C1QTNF1: variants seen among roughly 807,000 people sequenced by gnomAD.
C1QTNF1 encodes C1q and TNF related 1, also known as complement C1q tumor necrosis factor-related protein 1.
In C1QTNF1, 22 loss-of-function variants were observed where a neutral mutation model predicts 27.8. The ratio of observed to expected loss-of-function variants is 0.79; its 90% CI spans 0.56 to 1.13. The LOEUF (loss-of-function observed/expected upper bound fraction) is 1.13, where lower values mean the gene tolerates loss of function less well. C1QTNF1 is among the 50% of genes most tolerant of loss of function. The pLI is 0.00. For missense variants in C1QTNF1, 373 were observed against 380.2 expected, an observed-to-expected ratio of 0.98 and a Z score of 0.16; for synonymous variants, 166 against 154.3, an observed-to-expected ratio of 1.08 and a Z score of -0.56.
rs1306977112 is a variant in C1QTNF1 at position 79,048,191 on chromosome 17, A to G, written c.*103A>G. 1 of 1,086,216 alleles carries G rather than the reference A, an allele frequency of 9.2e-7. No homozygotes were observed. The highest frequency in any genetic ancestry group is 1.8e-5 in the South Asian group (1 of 56,412). 67.3% of individuals were successfully genotyped at this position (1,086,216 alleles called of 1,614,324 possible). On this transcript the variant is annotated 3_prime_UTR_variant, in exon 4 of 4. Transcript: ENST00000579760. ...TGGACTCCGACTCCCTGGCTTTGGC[A>G]TTCAGTGAGACGCCCTGCACACACA...
intron 1 of C1QTNF1, among the ~76,000 whole-genome samples, chr17:79,042,576 T>TCCTACCCA (rs1465289933): frequency 6.6e-6 from 1 of 152,330 alleles, no homozygotes; most frequent in Admixed American, 6.5e-5. Flanking sequence ...GCAGCCACCT[T>TCCTACCCA]CCTACCCACC....
intron 1 of C1QTNF1, among the ~76,000 whole-genome samples, chr17:79,026,982 T>G (rs1599275604): frequency 6.6e-6 from 1 of 151,774 alleles, no homozygotes; most frequent in East Asian, 1.9e-4. Context: ...TGAACTTTGC[T>G]CATCAAAACA....
intron 1 of C1QTNF1, among the ~76,000 whole-genome samples, chr17:79,038,167 T>G (rs539755282): frequency 6.9e-4 from 105 of 152,026 alleles, no homozygotes; most frequent in African/African-American, 2.4e-3. Context: ...TTTTTGTATT[T>G]TTAGTAGAGA....
chr17:79,047,595 C>T lies in C1QTNF1; in HGVS notation c.353C>T (p.Ser118Leu). The change falls in exon 4 of 4, where the codon TCA becomes TTA. Residue 118 changes from serine (S) to leucine (L), a missense_variant. Coordinates refer to ENST00000579760, the MANE Select transcript of C1QTNF1 (RefSeq NM_030968.5). The stretch of plus-strand genomic sequence containing the variant: ...CAAGGGAAATATGGCAAAACAGGCT[C>T]AGCAGGGGCCAGGGGCCACACTGGA... ...GLQGKYGKTG[S>L]AGARGHTGPK... is the part of the protein sequence containing the mutation. 3 of 1,550,476 alleles carry T rather than the reference C, an allele frequency of 1.9e-6. No individual in the cohort carries two copies. The highest frequency in any genetic ancestry group is 2.6e-6 in the Non-Finnish European group (3 of 1,149,478).
At position 79,047,756 on chromosome 17, in the gene C1QTNF1, G is replaced by A. The variant is rs766236227; in HGVS notation, c.514G>A (p.Val172Met). 9 of 1,614,032 alleles carry A rather than the reference G, an allele frequency of 5.6e-6. No homozygotes were observed. In the Admixed American group the frequency reaches 1.3e-4, roughly 24 times the overall value. Residue 172 changes from valine to methionine, a missense_variant, in exon 4 of 4, where the codon GTG (valine) becomes ATG (methionine). Coordinates refer to ENST00000579760, the MANE Select transcript of C1QTNF1 (RefSeq NM_030968.5). ...GACGGTGATCTTCGACACGGAGTTC[G>A]TGAACCTCTACGACCACTTCAACAT... Reference protein sequence around the residue: ...YQTVIFDTEFVNLYDHFNMFT... With the variant: ...YQTVIFDTEFMNLYDHFNMFT...
chr17:79,047,388 C>T, intron 3 of C1QTNF1, 150 bp from the exon 4 acceptor site: 1 of 735,696 alleles, frequency 1.4e-6, no homozygotes, highest in Non-Finnish European at 2.1e-6. Flanking sequence ...CCGCCCGTGG[C>T]AGGGGGCTGG....
rs142653202 is a variant in C1QTNF1, at chr17:79,047,054, C to T, written c.295+360C>T. 1.7e-3 allele frequency: 489 copies of T among 295,282 alleles called. 3 individuals are homozygous for T. Among genetic ancestry groups the T allele is most frequent in the African/African-American group, 8.9e-3 (414 of 46,762 alleles). 18.3% of individuals were successfully genotyped at this position (295,282 alleles called of 1,614,324 possible). On this transcript the variant is annotated intron_variant, in intron 3 of 3. Transcript: ENST00000579760. ...TTTCTGAAATGCCACCTGCTCGCTC[C>T]GGTCCTGCACACGGCAGATAACCCT...
chr17:79,045,170 C>T lies in C1QTNF1; in HGVS notation c.155+1047C>T, dbSNP rs571337490. On this transcript the variant is annotated intron_variant, in intron 2 of 3. Transcript: ENST00000579760. ...TGAACTAGGTCTTGAAGGACACCTGCGGGCCTCCCAGGTGCAGAAGGAGGG... is the reference window on the plus strand; with the variant it reads ...TGAACTAGGTCTTGAAGGACACCTGTGGGCCTCCCAGGTGCAGAAGGAGGG... 8.2e-4 allele frequency among the ~76,000 whole-genome samples: 125 copies of T among 152,256 alleles called. 1 individual carries two copies. The highest frequency in any genetic ancestry group is 3.4e-3 in the Middle Eastern group (1 of 294).
chr17:79,045,102 G>A (rs1299049112), intron 2 of C1QTNF1, among the ~76,000 whole-genome samples: 1 of 152,136 alleles, frequency 6.6e-6, no homozygotes, highest in Non-Finnish European at 1.5e-5. Flanking sequence ...CTGGAGGCAG[G>A]GCCAGGAGAG....
rs552124726 is a variant in C1QTNF1, at chr17:79,045,714, G to A, written c.156-841G>A. Among the ~76,000 whole-genome samples, 10 of 152,300 alleles carry A rather than the reference G, an allele frequency of 6.6e-5. No homozygotes were observed. The East Asian group carries it at 1.4e-3, about 21-fold the overall frequency. ...CCAGGGGCGAAGGGATGGGGACAGG[G>A]GTTTCGGTTTTGCATACATGACATC... is the stretch of plus-strand genomic sequence containing the variant. On this transcript the variant is annotated intron_variant, in intron 2 of 3. Transcript: ENST00000579760.
intron 1 of C1QTNF1, among the ~76,000 whole-genome samples, chr17:79,031,628 G>A (rs1450643666): frequency 6.6e-6 from 1 of 151,942 alleles, no homozygotes; most frequent in Admixed American, 6.6e-5. Context: ...ATTTTTAGTA[G>A]AGACAAAGTT....
chr17:79,042,702 T>G (rs1568068463), intron 1 of C1QTNF1, among the ~76,000 whole-genome samples: 1 of 152,122 alleles, frequency 6.6e-6, no homozygotes, highest in East Asian at 1.9e-4. Flanking sequence ...TGGTATACAA[T>G]TGTCTGTGGG....
intron 1 of C1QTNF1, among the ~76,000 whole-genome samples, chr17:79,041,226 G>A (rs902101020): frequency 4.6e-5 from 7 of 152,188 alleles, no homozygotes; most frequent in Non-Finnish European, 7.3e-5. Flanking sequence ...ACGCATGGGA[G>A]GGACAGCTGG....
chr17:79,023,406 C>T (rs947177805), upstream of C1QTNF1, among the ~76,000 whole-genome samples: 2 of 152,170 alleles, frequency 1.3e-5, no homozygotes, highest in African/African-American at 2.4e-5. Flanking sequence ...CAACCAGGGC[C>T]GGCTCTGGAG....
intron 1 of C1QTNF1, chr17:79,025,663 G>A (rs762840797): frequency 4.9e-4 from 80 of 164,492 alleles, no homozygotes; most frequent in Admixed American, 9.4e-4. Flanking sequence ...ACAGATAGAC[G>A]CACTTGGCTG....
At chr17:79,036,213 T>G (rs971871105) in intron 1 of C1QTNF1, among the ~76,000 whole-genome samples, 8 of 152,252 alleles carry the variant, frequency 5.3e-5, no homozygotes, top group African/African-American at 1.9e-4. Flanking sequence ...CTTGCCCTGT[T>G]GCCCAGGCTA....
In C1QTNF1 at chr17:79,046,583, C is replaced by T. The variant is rs1264325088; in HGVS notation, c.184C>T (p.Pro62Ser). 2 of 1,614,214 alleles carry T rather than the reference C, an allele frequency of 1.2e-6. No individual in the cohort carries two copies. The highest frequency in any genetic ancestry group is 2.2e-5 in the South Asian group (2 of 91,088). The change falls in exon 3 of 4, where the codon CCC (proline) becomes TCC (serine). Residue 62 changes from proline (P) to serine (S), a missense_variant. Pro to Ser is a moderately conservative substitution (Grantham distance 74). Transcript: ENST00000579760. The surrounding 1 kb of genome is among the most constrained non-coding windows in gnomAD (Gnocchi z 4.8). ...TGAAGAACAACATGAAAAATACAGG[C>T]CCAGTCAGGACCAGGGGCTCCCTGC... The part of the protein sequence containing the change: ...RAEEQHEKYR[P>S]SQDQGLPASR...
chr17:79,048,232 C>A lies in C1QTNF1; in HGVS notation c.*144C>A. The A allele has an allele frequency of 1.2e-6, 1 of 817,760 alleles. No homozygotes were observed. Among genetic ancestry groups the A allele is most frequent in the Non-Finnish European group, 1.8e-6 (1 of 546,888 alleles). The allele number at this position is 817,760 out of a possible 1,614,324, so 50.7% of individuals were successfully genotyped here. On this transcript the variant is annotated 3_prime_UTR_variant, in exon 4 of 4. Coordinates refer to ENST00000579760, the MANE Select transcript of C1QTNF1 (RefSeq NM_030968.5). ...TGCACACACAGAAAGCCAAAGCGAT[C>A]GGTGCTCCCAGATCCCGCAGCCTCT...
At chr17:79,037,627 A>T (rs550469095) in intron 1 of C1QTNF1, among the ~76,000 whole-genome samples, 102 of 152,244 alleles carry the variant, frequency 6.7e-4, no homozygotes, top group African/African-American at 2.3e-3. Flanking sequence ...TCTCTCCTTA[A>T]AGGACCTACC....
Sources: gnomAD v4.1 joint callset for allele counts (sites outside exome capture counted in the v4.1 genomes callset) on GRCh38, gnomAD v4.1.1 for gene constraint, Gnocchi (gnomAD v3.1) non-coding constraint, MANE v1.5 for transcripts, NCBI Gene and HGNC (gene_info 2026-07-23, HGNC 2026-07-21) for gene names.